The following B4GALNT2 variants were observed in gnomAD, a reference collection of about 807,000 sequenced individuals.
The protein encoded by B4GALNT2 is beta-1,4-N-acetyl-galactosaminyltransferase 2 (SID blood group).
Under a neutral mutation model 51.1 loss-of-function variants are expected in B4GALNT2, and 42 were observed. That is an observed-to-expected ratio of 0.82 (90% CI 0.64 to 1.06). The LOEUF is 1.06. Among genes scored for constraint, B4GALNT2 ranks in the 50% least tolerant of loss-of-function variants. The pLI, the probability that B4GALNT2 is intolerant of heterozygous loss-of-function variation, is 0.00. For missense variants in B4GALNT2, 602 were observed against 633.6 expected, an observed-to-expected ratio of 0.95 and a Z score of 0.54; for synonymous variants, 253 against 251.7, an observed-to-expected ratio of 1.01 and a Z score of -0.05.
upstream of B4GALNT2, among the ~76,000 whole-genome samples, chr17:49,130,449 C>A (rs1040693267): frequency 6.6e-6 from 1 of 152,176 alleles, no homozygotes; most frequent in Non-Finnish European, 1.5e-5. Flanking sequence ...ACCAGCCTGA[C>A]CAACATGGTG....
intron 3 of B4GALNT2, among the ~76,000 whole-genome samples, chr17:49,149,288 T>G (rs1054305389): frequency 6.6e-6 from 1 of 152,114 alleles, no homozygotes; most frequent in Non-Finnish European, 1.5e-5. Flanking sequence ...AAAACCTTCA[T>G]GTTTACATTT....
At chr17:49,149,744 T>C (rs566301129) in intron 3 of B4GALNT2, among the ~76,000 whole-genome samples, 3 of 152,256 alleles carry the variant, frequency 2.0e-5, no homozygotes, top group Admixed American at 2.0e-4. Context: ...CATGCAAGCA[T>C]TTCTCCTTTC....
intron 10 of B4GALNT2, among the ~76,000 whole-genome samples, chr17:49,169,234 T>C (rs1269531835): frequency 6.6e-6 from 1 of 152,142 alleles, no homozygotes; most frequent in Non-Finnish European, 1.5e-5. Context: ...TCTCTTTCCC[T>C]CTTACTCCAT....
chr17:49,154,741 A>G, intron 4 of B4GALNT2, among the ~76,000 whole-genome samples: 1 of 152,024 alleles, frequency 6.6e-6, no homozygotes, highest in East Asian at 1.9e-4. Flanking sequence ...ACAGAGGGGG[A>G]TGCAGGACAT....
At chr17:49,156,433 A>G in intron 4 of B4GALNT2, 133 bp from the exon 5 acceptor site, 1 of 929,080 alleles carries the variant, frequency 1.1e-6, no homozygotes, top group Admixed American at 2.2e-5. Flanking sequence ...CGTGTCAGCA[A>G]ACACTCTGGG....
At chr17:49,141,847 C>T (rs1331260723) in intron 2 of B4GALNT2, among the ~76,000 whole-genome samples, 188 bp from the exon 3 acceptor site, 9 of 152,120 alleles carry the variant, frequency 5.9e-5, no homozygotes, top group Admixed American at 5.9e-4. Context: ...CCCTGCTTCC[C>T]TCCCTTTGTC....
At position 49,150,307 on chromosome 17, in the gene B4GALNT2, GCC is replaced by G. The variant is rs376340132; in HGVS notation, c.354-2486_354-2485del. On this transcript the variant is annotated intron_variant, in intron 3 of 10. Coordinates refer to ENST00000393354, the MANE Select transcript of B4GALNT2 (RefSeq NM_001159387.2). ...TCTGGGAGGGAGGTGGGGGGGGTCA[GCC>G]CCCCCCGCCTGGCCAGCAGCCCCGT... Among the ~76,000 whole-genome samples, 10 of 126,678 alleles carry G rather than the reference GCC, an allele frequency of 7.9e-5. 2 individuals are homozygous for G. The highest frequency in any genetic ancestry group is 7.6e-4 in the South Asian group (3 of 3,966). The allele number at this position is 126,678 out of a possible 152,430, so 83.1% of individuals were successfully genotyped here.
intron 4 of B4GALNT2, 41 bp downstream of exon 4, chr17:49,152,947 T>C: frequency 3.9e-6 from 6 of 1,536,424 alleles, no homozygotes; most frequent in Non-Finnish European, 5.3e-6. Flanking sequence ...GACAACATTC[T>C]CACTCTTCTA....
At chr17:49,150,514 G>A (rs998120356) in intron 3 of B4GALNT2, among the ~76,000 whole-genome samples, 2 of 152,094 alleles carry the variant, frequency 1.3e-5, no homozygotes, top group Non-Finnish European at 2.9e-5. Context: ...TGAGAAATCG[G>A]ATGGTTGCCG....
intron 7 of B4GALNT2, among the ~76,000 whole-genome samples, chr17:49,162,511 G>A (rs993522092): frequency 1.3e-5 from 2 of 152,088 alleles, no homozygotes; most frequent in African/African-American, 4.8e-5. Flanking sequence ...TTTTAAATGT[G>A]TATATCCTTT....
At chr17:49,133,813 C>A (rs1303415900) in intron 1 of B4GALNT2, among the ~76,000 whole-genome samples, 1 of 151,702 alleles carries the variant, frequency 6.6e-6, no homozygotes, top group Non-Finnish European at 1.5e-5. Context: ...CTTGGGAGGC[C>A]GAAGCAGGAG....
In B4GALNT2 at chr17:49,160,620, A is replaced by G; in HGVS notation, c.745A>G (p.Lys249Glu). The change falls in exon 7 of 11, where the codon AAG becomes GAG. Residue 249 changes from lysine (K) to glutamate (E), a missense_variant. Coordinates refer to ENST00000393354, the MANE Select transcript of B4GALNT2 (RefSeq NM_001159387.2). ...GACCATCCGCCATCCTGTCATACCC[A>G]AGCTATACGACCCTGGACCAGGTAA... ...PVTIRHPVIP[K>E]LYDPGPERKL... is the part of the protein sequence containing the mutation. 6.2e-7 allele frequency: 1 copy of G among 1,614,066 alleles called. No individual in the cohort carries two copies. The highest frequency in any genetic ancestry group is 8.5e-7 in the Non-Finnish European group (1 of 1,180,004).
chr17:49,147,327 T>C (rs966780342), intron 3 of B4GALNT2, among the ~76,000 whole-genome samples: 2 of 152,104 alleles, frequency 1.3e-5, no homozygotes, highest in Non-Finnish European at 2.9e-5. Flanking sequence ...TTCATTTTTT[T>C]CCTCTTCTTT....
intron 3 of B4GALNT2, 61 bp downstream of exon 3, chr17:49,142,233 T>C (rs1479802268): frequency 1.3e-6 from 2 of 1,593,818 alleles, no homozygotes; most frequent in African/African-American, 2.7e-5. Context: ...CCCTATGTCC[T>C]GAGGTTGTGA....
chr17:49,132,056 C>A (rs934032629), upstream of B4GALNT2, among the ~76,000 whole-genome samples: 1 of 151,994 alleles, frequency 6.6e-6, no homozygotes, highest in Non-Finnish European at 1.5e-5. Context: ...GTGGGAGAAT[C>A]ATTTGAGCGC....
intron 8 of B4GALNT2, among the ~76,000 whole-genome samples, chr17:49,165,138 G>A (rs1334225629): frequency 6.6e-6 from 1 of 151,998 alleles, no homozygotes; most frequent in Non-Finnish European, 1.5e-5. Flanking sequence ...TTTCCGATGT[G>A]GAAATCGATT....
At position 49,160,594 on chromosome 17, in the gene B4GALNT2, T is replaced by G. The variant is rs2042854325; in HGVS notation, c.719T>G (p.Val240Gly). Residue 240 changes from valine (V) to glycine (G), a missense_variant, in exon 7 of 11, where the codon GTG becomes GGG. Val to Gly is a moderately radical substitution (Grantham distance 109). Transcript: ENST00000393354. ...AGGTCCTCAGTGGCCAAGTTTCCAG[T>G]GACCATCCGCCATCCTGTCATACCC... ...ESRSSVAKFPVTIRHPVIPKL... is the reference protein window; with the variant it reads ...ESRSSVAKFPGTIRHPVIPKL... 1.2e-6 allele frequency: 2 copies of G among 1,614,044 alleles called. No individual in the cohort carries two copies. The highest frequency in any genetic ancestry group is 1.7e-5 in the Admixed American group (1 of 59,998).
upstream of B4GALNT2, among the ~76,000 whole-genome samples, chr17:49,129,333 C>T (rs1022569859): frequency 1.1e-4 from 16 of 152,180 alleles, no homozygotes; most frequent in East Asian, 3.9e-4. Flanking sequence ...AGCCCCAGCC[C>T]GAGCCTTGCA....
At chr17:49,157,426 G>A (rs1330376926) in intron 5 of B4GALNT2, among the ~76,000 whole-genome samples, 1 of 151,918 alleles carries the variant, frequency 6.6e-6, no homozygotes, top group Non-Finnish European at 1.5e-5. Context: ...GTTCAATCGA[G>A]TCTCCTGCCT....
Sources: allele counts gnomAD v4.1 joint callset (sites outside exome capture counted in the v4.1 genomes callset), GRCh38; gene constraint gnomAD v4.1.1; transcripts MANE v1.5; gene names NCBI Gene and HGNC (gene_info 2026-07-23, HGNC 2026-07-21).